The following KLHL1 variants were observed in gnomAD, a reference collection of about 807,000 sequenced individuals.
KLHL1 encodes kelch like family member 1.
KLHL1 carries 47 observed loss-of-function variants against 77.7 expected under a neutral mutation model. That is an observed-to-expected ratio of 0.60 (90% CI 0.48 to 0.77). The LOEUF is 0.77. Among genes scored for constraint, KLHL1 ranks in the 30% least tolerant of loss-of-function variants. The probability of loss-of-function intolerance (pLI) is 0.00; values close to 1 mark genes in which losing one functional copy is unlikely to be tolerated. For missense variants in KLHL1, 925 were observed against 910.8 expected, an observed-to-expected ratio of 1.02 and a Z score of -0.20; for synonymous variants, 360 against 325.2, an observed-to-expected ratio of 1.11 and a Z score of -1.15.
At chr13:69,850,397 A>G (rs1274739604) in intron 5 of KLHL1, among the ~76,000 whole-genome samples, 3 of 151,410 alleles carry the variant, frequency 2.0e-5, no homozygotes, top group African/African-American at 7.3e-5. Context: ...TGATAATTCC[A>G]CTTAGCAAAG....
At chr13:70,094,391 C>CA in intron 1 of KLHL1, among the ~76,000 whole-genome samples, 1 of 114,532 alleles carries the variant, frequency 8.7e-6, no homozygotes, top group African/African-American at 5.2e-5. Flanking sequence ...ATGCAATCAT[C>CA]TTTATATATA....
chr13:70,014,237 T>C (rs1279040691), intron 1 of KLHL1, among the ~76,000 whole-genome samples: 1 of 152,128 alleles, frequency 6.6e-6, no homozygotes, highest in Admixed American at 6.5e-5. Context: ...TTGTTATTTC[T>C]AGTGCTTATA....
chr13:70,075,020 T>C (rs1887227877), intron 1 of KLHL1, among the ~76,000 whole-genome samples: 1 of 152,034 alleles, frequency 6.6e-6, no homozygotes, highest in Non-Finnish European at 1.5e-5. Flanking sequence ...CCTCCAAAGA[T>C]TCACTGAAAA....
chr13:70,073,327 A>G (rs1273804525), intron 1 of KLHL1, among the ~76,000 whole-genome samples: 16 of 152,026 alleles, frequency 1.1e-4, no homozygotes, highest in Non-Finnish European at 5.9e-5. Context: ...CAAACACCAC[A>G]TGTTCTCACT....
At chr13:69,927,166 T>C (rs1457189280) in intron 4 of KLHL1, among the ~76,000 whole-genome samples, 1 of 152,060 alleles carries the variant, frequency 6.6e-6, no homozygotes, top group Non-Finnish European at 1.5e-5. Flanking sequence ...TTTCAACATG[T>C]GCTGTTACAC....
intron 7 of KLHL1, among the ~76,000 whole-genome samples, chr13:69,753,995 C>A (rs895164257): frequency 1.5e-5 from 2 of 135,278 alleles, no homozygotes; most frequent in East Asian, 4.1e-4. Context: ...TTCCACCATG[C>A]CTGGCTAATT....
intron 6 of KLHL1, among the ~76,000 whole-genome samples, chr13:69,826,334 C>T (rs369171195): frequency 6.6e-4 from 100 of 152,254 alleles, no homozygotes; most frequent in African/African-American, 2.3e-3. Context: ...CCTGTAATCC[C>T]GGCACTTTGG....
At chr13:70,009,150 T>C (rs1202371546) in intron 1 of KLHL1, among the ~76,000 whole-genome samples, 1 of 149,806 alleles carries the variant, frequency 6.7e-6, no homozygotes, top group Admixed American at 6.7e-5. Flanking sequence ...TTTGTGTAAG[T>C]CACGACTCCT....
intron 1 of KLHL1, among the ~76,000 whole-genome samples, chr13:70,035,112 T>C (rs557213654): frequency 6.6e-6 from 1 of 152,196 alleles, no homozygotes; most frequent in Admixed American, 6.5e-5. Flanking sequence ...GGATCATTAT[T>C]GGTAACTTTT....
At chr13:69,924,725 G>A (rs1037072829) in intron 4 of KLHL1, among the ~76,000 whole-genome samples, 5 of 152,200 alleles carry the variant, frequency 3.3e-5, no homozygotes, top group African/African-American at 9.6e-5. Context: ...CAACAAGAAG[G>A]AGAGAAGAGC....
chr13:69,862,467 T>C (rs1880210405), intron 5 of KLHL1, among the ~76,000 whole-genome samples: 1 of 152,114 alleles, frequency 6.6e-6, no homozygotes, highest in African/African-American at 2.4e-5. Flanking sequence ...TTCAAAAGCA[T>C]GTCTTAAACT....
chr13:69,918,126 C>T (rs1444455254), intron 4 of KLHL1, among the ~76,000 whole-genome samples: 3 of 151,826 alleles, frequency 2.0e-5, no homozygotes, highest in African/African-American at 7.3e-5. Flanking sequence ...TTTTTGATAA[C>T]CTAATAGGAC....
At chr13:69,938,269 A>G (rs2501197) in intron 4 of KLHL1, among the ~76,000 whole-genome samples, 95,060 of 151,870 alleles carry the variant, frequency 0.63, 29,814 homozygotes, top group South Asian at 0.65. Context: ...ATACCAGAGC[A>G]TCACATTTTC....
chr13:69,765,263 G>T (rs1471444371), intron 7 of KLHL1, among the ~76,000 whole-genome samples: 2 of 151,824 alleles, frequency 1.3e-5, no homozygotes, highest in Non-Finnish European at 2.9e-5. Flanking sequence ...ATCTTTGCAT[G>T]TTTTATAGTG....
At chr13:69,827,783 G>C (rs1878608905) in intron 6 of KLHL1, among the ~76,000 whole-genome samples, 1 of 150,782 alleles carries the variant, frequency 6.6e-6, no homozygotes, top group African/African-American at 2.4e-5. Flanking sequence ...TCATTAACAG[G>C]TTAAATGTGA....
At position 69,719,066 on chromosome 13, in the gene KLHL1, CAAG is replaced by C. The variant is rs373000243; in HGVS notation, c.2015+300_2015+302del. Among the ~76,000 whole-genome samples, 551 of 151,654 alleles carry C rather than the reference CAAG, an allele frequency of 3.6e-3. 3 individuals are homozygous for C. The highest frequency in any genetic ancestry group is 0.012 in the African/African-American group (511 of 41,352). ...TTTAATGTGTGTTTTAAAAGTATAT[CAAG>C]AAGAAATTTAAAGATTATTTAAGGA... On this transcript the variant is annotated intron_variant, in intron 9 of 10. Transcript: ENST00000377844.
At chr13:69,905,065 T>G (rs1187806074) in intron 4 of KLHL1, among the ~76,000 whole-genome samples, 1 of 152,138 alleles carries the variant, frequency 6.6e-6, no homozygotes. Context: ...GTAAATTCAA[T>G]TTGCTTCCTA....
At chr13:69,793,952 A>T (rs953550019) in intron 7 of KLHL1, among the ~76,000 whole-genome samples, 1 of 152,176 alleles carries the variant, frequency 6.6e-6, no homozygotes, top group Non-Finnish European at 1.5e-5. Context: ...CATGTTTCCT[A>T]TCCCTCAGTG....
chr13:70,068,036 T>C, intron 1 of KLHL1, among the ~76,000 whole-genome samples: 1 of 137,988 alleles, frequency 7.2e-6, no homozygotes, highest in Non-Finnish European at 1.6e-5. Flanking sequence ...ACTAACGTTT[T>C]AGTATAAGTA....
Sources: gnomAD v4.1 joint callset for allele counts (sites outside exome capture counted in the v4.1 genomes callset) on GRCh38, gnomAD v4.1.1 for gene constraint, MANE v1.5 for transcripts, NCBI Gene and HGNC (gene_info 2026-07-23, HGNC 2026-07-21) for gene names.